Variants in PGBD2 observed in about 807,000 individuals in gnomAD.
The protein encoded by PGBD2 is piggyBac transposable element-derived protein 2.
PGBD2 carries 6 observed loss-of-function variants against 8.1 expected under a neutral mutation model. That is an observed-to-expected ratio of 0.74 (90% confidence interval 0.40 to 1.46). The LOEUF (loss-of-function observed/expected upper bound fraction) is 1.46, where lower values mean the gene tolerates loss of function less well. Ranked by LOEUF, PGBD2 falls within the 40% of genes most tolerant of loss-of-function variation. The probability of loss-of-function intolerance (pLI) is 0.02; values close to 1 mark genes in which losing one functional copy is unlikely to be tolerated. For synonymous variants in PGBD2, 318 were observed against 272.2 expected (o/e 1.17, Z -1.66); for missense variants, 802 against 739.0 (o/e 1.09, Z -0.99).
chr1:248,906,462 C>T (rs1661641218), intron 1 of PGBD2, 120 bp downstream of exon 1: 1 of 151,632 alleles, frequency 6.6e-6, no homozygotes, highest in South Asian at 2.1e-4. Context: ...CACTGCGCGC[C>T]GACGGTGGGC....
the PGBD2 span, among the ~76,000 whole-genome samples, chr1:248,880,509 C>A: frequency 6.6e-6 from 1 of 152,174 alleles, no homozygotes; most frequent in Non-Finnish European, 1.5e-5. Flanking sequence ...TGATCATGTT[C>A]TATATTCATC....
Position 248,917,446 on chromosome 1 carries a change from A to T in PGBD2, c.862A>T (p.Lys288Ter), listed in dbSNP as rs1450559140. Residue 288 changes from lysine to a stop codon, truncating the protein, a stop_gained, in exon 3 of 3, where the codon AAG becomes TAG. Coordinates refer to ENST00000329291, the MANE Select transcript of PGBD2 (RefSeq NM_170725.3). LOFTEE classifies it low-confidence loss of function (END_TRUNC). ...HRGSKQLHRGKPVRLGYKIWC... is the reference protein window; with the variant it reads ...HRGSKQLHRG ...GGGGTCCAAGCAGCTGCACAGGGGG[A>T]AGCCTGTGCGACTTGGCTACAAGAT... The T allele has an allele frequency of 3.7e-6, 6 of 1,613,720 alleles. No individual in the cohort carries two copies. Among genetic ancestry groups the T allele is most frequent in the Non-Finnish European group, 1.7e-6 (2 of 1,179,992 alleles).
At chr1:248,925,802 C>T in the PGBD2 span, among the ~76,000 whole-genome samples, 13 of 152,130 alleles carry the variant, frequency 8.5e-5, no homozygotes, top group Admixed American at 2.0e-4. Flanking sequence ...TCCCAGTGAA[C>T]ATTCCCATTG....
downstream of PGBD2, among the ~76,000 whole-genome samples, chr1:248,924,085 G>A (rs554932676): frequency 9.2e-5 from 14 of 152,372 alleles, no homozygotes; most frequent in South Asian, 8.3e-4. Flanking sequence ...ATGGGACGGC[G>A]TGTGGGAGCC....
upstream of PGBD2, chr1:248,906,082 T>G (rs1289692606): frequency 6.6e-6 from 1 of 151,034 alleles, no homozygotes; most frequent in East Asian, 2.0e-4. Context: ...TGGGGTGGGT[T>G]ATTTCGGCCG....
chr1:248,894,793 C>T, the PGBD2 span, among the ~76,000 whole-genome samples: 1 of 145,016 alleles, frequency 6.9e-6, no homozygotes, highest in Admixed American at 7.1e-5. Flanking sequence ...TTCTCTCTCT[C>T]TCTTTCTTTC....
chr1:248,907,897 C>G (rs537788180), intron 1 of PGBD2, among the ~76,000 whole-genome samples: 2 of 152,286 alleles, frequency 1.3e-5, no homozygotes, highest in South Asian at 2.1e-4. Flanking sequence ...ACTTCTCTTT[C>G]TTTTCCCTAC....
At chr1:248,906,559 G>C (rs1311422521) in intron 1 of PGBD2, 3 of 149,680 alleles carry the variant, frequency 2.0e-5, no homozygotes, top group Non-Finnish European at 4.4e-5. Flanking sequence ...CCGGAGGCCG[G>C]GCCGGCTGAG....
chr1:248,903,860 T>A (rs1161247364), upstream of PGBD2, among the ~76,000 whole-genome samples: 2 of 152,204 alleles, frequency 1.3e-5, no homozygotes, highest in Non-Finnish European at 2.9e-5. Context: ...AAAACTTTAA[T>A]GTAGTCAGCA....
At chr1:248,897,942 G>A in the PGBD2 span, among the ~76,000 whole-genome samples, 1 of 152,222 alleles carries the variant, frequency 6.6e-6, no homozygotes, top group Admixed American at 6.5e-5. Context: ...ATTCCCCACA[G>A]TGGAGCTCAG....
chr1:248,924,025 A>G (rs1662337632), downstream of PGBD2, among the ~76,000 whole-genome samples: 1 of 152,240 alleles, frequency 6.6e-6, no homozygotes, highest in Non-Finnish European at 1.5e-5. Context: ...GAGCTTCTTG[A>G]CAGGGGACAC....
the PGBD2 span, among the ~76,000 whole-genome samples, chr1:248,881,127 C>T: frequency 7.8e-4 from 119 of 152,150 alleles, no homozygotes; most frequent in African/African-American, 2.6e-3. Flanking sequence ...GAGAACCTTC[C>T]GAGAAAAACA....
At chr1:248,893,297 G>A in the PGBD2 span, among the ~76,000 whole-genome samples, 15 of 152,066 alleles carry the variant, frequency 9.9e-5, no homozygotes, top group African/African-American at 3.6e-4. Context: ...GTTAACTTAC[G>A]CACTATGTTG....
the PGBD2 span, among the ~76,000 whole-genome samples, chr1:248,884,205 A>G: frequency 6.6e-6 from 1 of 152,198 alleles, no homozygotes; most frequent in Non-Finnish European, 1.5e-5. Flanking sequence ...GTGTTAATGA[A>G]AAAAACCAAA....
the PGBD2 span, among the ~76,000 whole-genome samples, chr1:248,878,533 T>C: frequency 9.5e-4 from 145 of 152,278 alleles, no homozygotes; most frequent in African/African-American, 3.3e-3. Context: ...GGGTTGCTCT[T>C]ATAAAGACTT....
the PGBD2 span, among the ~76,000 whole-genome samples, chr1:248,877,470 C>T: frequency 6.6e-6 from 1 of 152,046 alleles, no homozygotes; most frequent in Non-Finnish European, 1.5e-5. Context: ...AATATGTATA[C>T]ACAGGTGCAT....
chr1:248,929,777 G>T, the PGBD2 span, among the ~76,000 whole-genome samples: 2 of 152,322 alleles, frequency 1.3e-5, no homozygotes, highest in Admixed American at 1.3e-4. Context: ...AGAATGAAAG[G>T]TGAGGAGTGT....
the PGBD2 span, among the ~76,000 whole-genome samples, chr1:248,925,011 C>CT: frequency 0.018 from 2,621 of 149,408 alleles, 82 homozygotes; most frequent in African/African-American, 0.059. Context: ...TAACGGAGGG[C>CT]TTTTTTTTTT....
the PGBD2 span, among the ~76,000 whole-genome samples, chr1:248,898,444 G>A: frequency 2.6e-5 from 4 of 152,198 alleles, no homozygotes; most frequent in South Asian, 2.1e-4. Context: ...GTGAGCCACC[G>A]CACCTGGCTC....
Sources: allele counts gnomAD v4.1 joint callset (sites outside exome capture counted in the v4.1 genomes callset), GRCh38; gene constraint gnomAD v4.1.1; transcripts MANE v1.5; gene names NCBI Gene and HGNC (gene_info 2026-07-23, HGNC 2026-07-21).